The following SLC8A1 variants were observed in gnomAD, a reference collection of about 807,000 sequenced individuals.
The protein encoded by SLC8A1 is solute carrier family 8 member A1, also known as sodium/calcium exchanger 1.
Under a neutral mutation model 68.3 loss-of-function variants are expected in SLC8A1, and 18 were observed. The observed-to-expected ratio is 0.26, with a 90% confidence interval of 0.18 to 0.39. The LOEUF (loss-of-function observed/expected upper bound fraction) is 0.39, where lower values mean the gene tolerates loss of function less well. Ranked by LOEUF, SLC8A1 falls within the 10% of genes least tolerant of loss-of-function variation. SLC8A1 has a pLI of 1.00. For missense variants in SLC8A1, 985 were observed against 1,156.7 expected, an observed-to-expected ratio of 0.85 and a Z score of 2.15; for synonymous variants, 475 against 415.5, an observed-to-expected ratio of 1.14 and a Z score of -1.74.
At chr2:40,504,345 C>T (rs1706235075) in intron 1 of SLC8A1, among the ~76,000 whole-genome samples, 1 of 151,964 alleles carries the variant, frequency 6.6e-6, no homozygotes, top group Non-Finnish European at 1.5e-5. Flanking sequence ...GACCTCAAAC[C>T]ATGAAACTAC....
chr2:40,295,618 C>T (rs925254151), intron 2 of SLC8A1, among the ~76,000 whole-genome samples: 5 of 152,008 alleles, frequency 3.3e-5, no homozygotes, highest in African/African-American at 4.8e-5. Flanking sequence ...GGGAGGATTA[C>T]GATCCAGCAG....
At chr2:40,420,576 G>A (rs1695216532) in intron 2 of SLC8A1, among the ~76,000 whole-genome samples, 1 of 152,196 alleles carries the variant, frequency 6.6e-6, no homozygotes, top group South Asian at 2.1e-4. Flanking sequence ...AGGTAGGTCA[G>A]CTACACGGAG....
intron 1 of SLC8A1, among the ~76,000 whole-genome samples, chr2:40,469,574 C>A (rs773471250): frequency 6.6e-5 from 10 of 151,836 alleles, no homozygotes; most frequent in Non-Finnish European, 1.3e-4. Context: ...TTTATAAATA[C>A]CACTCCCTCA....
At chr2:40,271,498 C>G (rs1405564656) in intron 2 of SLC8A1, among the ~76,000 whole-genome samples, 2 of 152,172 alleles carry the variant, frequency 1.3e-5, no homozygotes, top group South Asian at 2.1e-4. Flanking sequence ...ACTCTCTACC[C>G]CCTCACTGAA....
intron 2 of SLC8A1, among the ~76,000 whole-genome samples, chr2:40,392,301 C>T (rs905906323): frequency 1.3e-5 from 2 of 151,996 alleles, no homozygotes; most frequent in African/African-American, 4.8e-5. Flanking sequence ...TTTATCATCA[C>T]ATTTAAATAA....
At chr2:40,413,193 G>C (rs1299026424) in intron 2 of SLC8A1, among the ~76,000 whole-genome samples, 1 of 152,160 alleles carries the variant, frequency 6.6e-6, no homozygotes, top group Non-Finnish European at 1.5e-5. Context: ...AGTCGGTGTG[G>C]CGATTCCTCA....
At chr2:40,437,135 G>A (rs932504492) in intron 1 of SLC8A1, among the ~76,000 whole-genome samples, 1 of 152,172 alleles carries the variant, frequency 6.6e-6, no homozygotes, top group Admixed American at 6.5e-5. Context: ...ATACTTAAGT[G>A]ACAGAACTAG....
chr2:40,429,285 T>C, exon 2 of SLC8A1: 1 of 1,613,970 alleles, frequency 6.2e-7, no homozygotes, highest in African/African-American at 1.3e-5. Flanking sequence ...TCTGCTTAAG[T>C]TCCTTCAGAA....
At chr2:40,136,100 G>A (rs2040448291) in intron 7 of SLC8A1, among the ~76,000 whole-genome samples, 1 of 152,168 alleles carries the variant, frequency 6.6e-6, no homozygotes, top group South Asian at 2.1e-4. Flanking sequence ...GAAGGATGGA[G>A]ACCAGTCTTG....
At chr2:40,326,499 A>T (rs776986343) in intron 2 of SLC8A1, among the ~76,000 whole-genome samples, 3 of 152,034 alleles carry the variant, frequency 2.0e-5, no homozygotes, top group Non-Finnish European at 2.9e-5. Context: ...CTTACTGTTA[A>T]AAACCTTTCT....
intron 2 of SLC8A1, among the ~76,000 whole-genome samples, chr2:40,255,783 A>G (rs965150863): frequency 6.6e-6 from 1 of 152,200 alleles, no homozygotes; most frequent in African/African-American, 2.4e-5. Flanking sequence ...CTATGAGGCA[A>G]GGCTTGTGGC....
intron 7 of SLC8A1, chr2:40,123,300 A>T (rs2037336775): frequency 1.3e-5 from 2 of 152,272 alleles, no homozygotes; most frequent in Non-Finnish European, 2.9e-5. Context: ...GTTTGAAAGA[A>T]AATAAATACA....
At chr2:40,404,929 G>C (rs1208828284) in intron 2 of SLC8A1, among the ~76,000 whole-genome samples, 2 of 152,110 alleles carry the variant, frequency 1.3e-5, no homozygotes, top group Non-Finnish European at 2.9e-5. Context: ...GCCCATGAAA[G>C]CTTGTGGGTA....
exon 2 of SLC8A1, chr2:40,429,466 C>T (rs754949043): frequency 8.1e-6 from 13 of 1,613,902 alleles, no homozygotes; most frequent in Non-Finnish European, 1.0e-5. Flanking sequence ...AATCATCCCC[C>T]TCTGCTTGCC....
intron 2 of SLC8A1, among the ~76,000 whole-genome samples, chr2:40,266,838 C>A (rs143125602): frequency 2.6e-5 from 4 of 152,168 alleles, no homozygotes; most frequent in African/African-American, 9.7e-5. Flanking sequence ...AATTGGCACT[C>A]TGCTTCCACC....
intron 2 of SLC8A1, among the ~76,000 whole-genome samples, chr2:40,266,348 C>T (rs764100723): frequency 3.9e-5 from 6 of 152,094 alleles, no homozygotes; most frequent in African/African-American, 1.4e-4. Flanking sequence ...TTATGACTAG[C>T]TATATCACTC....
intron 2 of SLC8A1, among the ~76,000 whole-genome samples, chr2:40,280,084 C>A (rs1293311590): frequency 1.3e-5 from 2 of 151,932 alleles, no homozygotes; most frequent in South Asian, 4.1e-4. Context: ...ATGAAAAGAA[C>A]TTTAAACCCT....
At chr2:40,320,632 C>T (rs1220180925) in intron 2 of SLC8A1, among the ~76,000 whole-genome samples, 2 of 152,036 alleles carry the variant, frequency 1.3e-5, no homozygotes, top group Non-Finnish European at 1.5e-5. Context: ...CACTTTGATG[C>T]GTGTCTCACT....
rs114575262 is a variant in SLC8A1 at position 40,390,308 on chromosome 2, C to G, written c.1808+38165G>C. 2.1e-3 allele frequency among the ~76,000 whole-genome samples: 319 copies of G among 151,196 alleles called. 1 individual carries two copies. The highest frequency in any genetic ancestry group is 7.3e-3 in the African/African-American group (302 of 41,248). On this transcript the variant is annotated intron_variant, in intron 2 of 7. Coordinates refer to ENST00000406785, the Ensembl canonical transcript of SLC8A1. The stretch of plus-strand genomic sequence containing the variant: ...CTTGGAATCATATAATTATTTACCA[C>G]TTTTTTTTTAACTTTCAATTGTGGA...
Sources: allele counts gnomAD v4.1 joint callset (sites outside exome capture counted in the v4.1 genomes callset), GRCh38; gene constraint gnomAD v4.1.1; transcripts MANE v1.5; gene names NCBI Gene and HGNC (gene_info 2026-07-23, HGNC 2026-07-21).